SUMF1: variants seen among roughly 807,000 people sequenced by gnomAD.
The protein encoded by SUMF1 is sulfatase modifying factor 1, also known as formylglycine-generating enzyme.
Under a neutral mutation model 47.6 loss-of-function variants are expected in SUMF1, and 48 were observed. The observed-to-expected ratio is 1.01, with a 90% CI of 0.80 to 1.28. The LOEUF (loss-of-function observed/expected upper bound fraction) is 1.28, where lower values mean the gene tolerates loss of function less well. SUMF1 is among the 50% of genes most tolerant of loss of function. SUMF1 has a pLI of 0.00. For synonymous variants in SUMF1, 230 were observed against 192.1 expected, an observed-to-expected ratio of 1.20 and a Z score of -1.63; for missense variants, 571 against 485.4, an observed-to-expected ratio of 1.18 and a Z score of -1.66.
chr3:4,076,842 A>G (rs1692447937), intron 8 of SUMF1, among the ~76,000 whole-genome samples: 1 of 151,966 alleles, frequency 6.6e-6, no homozygotes, highest in South Asian at 2.1e-4. Flanking sequence ...TGCTTAACTT[A>G]GAATACAAAA....
At chr3:4,075,545 A>C (rs1025015486) in intron 8 of SUMF1, among the ~76,000 whole-genome samples, 52 of 152,150 alleles carry the variant, frequency 3.4e-4, no homozygotes, top group African/African-American at 1.2e-3. Flanking sequence ...AGAGGAAGTC[A>C]AATTGTCTCT....
At chr3:4,088,502 T>C (rs1288247400) in intron 8 of SUMF1, among the ~76,000 whole-genome samples, 1 of 152,084 alleles carries the variant, frequency 6.6e-6, no homozygotes, top group African/African-American at 2.4e-5. Context: ...ACCACTAATA[T>C]CACCACGTCT....
intron 8 of SUMF1, among the ~76,000 whole-genome samples, chr3:4,251,592 G>T (rs902077613): frequency 6.6e-6 from 1 of 152,202 alleles, no homozygotes; most frequent in Non-Finnish European, 1.5e-5. Context: ...GTTGTCTTAA[G>T]AAATTACCAC....
rs145033834 is a variant in SUMF1, at chr3:4,239,134, A to G, written c.1014+137196T>C. Among the ~76,000 whole-genome samples, 436 of 152,110 alleles carry G rather than the reference A, an allele frequency of 2.9e-3. 4 individuals carry two copies. The highest frequency in any genetic ancestry group is 0.01 in the African/African-American group (424 of 41,490). ...GCTCTGTTCTGTTCCATTGGTCTAT[A>G]TATCTGTTTTGGTACCCGTACCATG... On this transcript the variant is annotated intron_variant and NMD_transcript_variant, in intron 8 of 12. Transcript: ENST00000448413.
chr3:4,212,718 T>C (rs192415521), intron 8 of SUMF1, among the ~76,000 whole-genome samples: 32 of 152,210 alleles, frequency 2.1e-4, no homozygotes, highest in African/African-American at 7.5e-4. Context: ...AGAACATAAA[T>C]GATCTAATGG....
At position 4,051,605 on chromosome 3, in the gene SUMF1, G is replaced by A. The variant is rs1156806072; in HGVS notation, c.1191+16964C>T. On this transcript the variant is annotated intron_variant and NMD_transcript_variant, in intron 9 of 12. Transcript: ENST00000448413. The stretch of plus-strand genomic sequence containing the variant: ...ATAGACGTACCATGTAAATGCCTAA[G>A]AGAGAGAAGGCTCCCACTTTTTTCC... Among the ~76,000 whole-genome samples the A allele has an allele frequency of 2.6e-5, 4 of 152,172 alleles. 1 individual carries two copies. The highest frequency in any genetic ancestry group is 5.9e-5 in the Non-Finnish European group (4 of 68,030).
intron 8 of SUMF1, among the ~76,000 whole-genome samples, chr3:4,217,302 G>C (rs1695946026): frequency 6.7e-6 from 1 of 150,096 alleles, no homozygotes; most frequent in East Asian, 2.0e-4. Context: ...CTCATAAATG[G>C]GAGTTGAACA....
chr3:4,036,005 G>C (rs888678603), intron 9 of SUMF1, among the ~76,000 whole-genome samples: 1 of 152,086 alleles, frequency 6.6e-6, no homozygotes, highest in Non-Finnish European at 1.5e-5. Flanking sequence ...TTGTCTGCTG[G>C]AGTTTTTTTA....
intron 8 of SUMF1, among the ~76,000 whole-genome samples, chr3:4,247,571 G>A (rs1393153243): frequency 6.6e-6 from 1 of 151,416 alleles, no homozygotes; most frequent in Admixed American, 6.6e-5. Flanking sequence ...AAGCCCAGCT[G>A]GAGATTTGTA....
chr3:4,052,864 T>C (rs1695136458), intron 9 of SUMF1, among the ~76,000 whole-genome samples: 1 of 152,178 alleles, frequency 6.6e-6, no homozygotes. Flanking sequence ...TGGTTTAATG[T>C]TCCATCCAGA....
chr3:4,198,819 C>T (rs1695484281), intron 8 of SUMF1, among the ~76,000 whole-genome samples: 1 of 151,904 alleles, frequency 6.6e-6, no homozygotes, highest in Non-Finnish European at 1.5e-5. Context: ...TACATCTGCT[C>T]TGGGGAATAA....
intron 8 of SUMF1, among the ~76,000 whole-genome samples, chr3:4,270,234 TTAAGCACTGAAG>T (rs766047653): frequency 6.6e-5 from 10 of 152,154 alleles, no homozygotes; most frequent in South Asian, 2.1e-4. Context: ...ATTGAAATAA[TTAAGCACTGAAG>T]TAAGCACTGA....
chr3:4,184,779 G>T (rs1318131918), intron 8 of SUMF1, among the ~76,000 whole-genome samples: 1 of 151,424 alleles, frequency 6.6e-6, no homozygotes, highest in Admixed American at 6.6e-5. Context: ...CTCTTGAGTA[G>T]CTGGGATTAC....
intron 8 of SUMF1, among the ~76,000 whole-genome samples, chr3:4,220,470 A>G (rs4143237): frequency 2.6e-5 from 4 of 152,202 alleles, no homozygotes; most frequent in South Asian, 4.1e-4. Flanking sequence ...TCATTCTGTG[A>G]AACCACAGAA....
chr3:4,252,036 T>A (rs1036795259), intron 8 of SUMF1, among the ~76,000 whole-genome samples: 2 of 152,232 alleles, frequency 1.3e-5, no homozygotes, highest in African/African-American at 2.4e-5. Context: ...AAACCAAACC[T>A]GCAATATCTG....
rs928193041 is a variant in SUMF1, at chr3:4,428,712, C to T, written c.520-8566G>A. 2.1e-4 allele frequency among the ~76,000 whole-genome samples: 5 copies of T among 23,292 alleles called. No homozygotes were observed. The Non-Finnish European group carries it at 6.7e-3, about 31-fold the overall frequency. The allele number at this position is 23,292 out of a possible 152,430, so 15.3% of individuals were successfully genotyped here. Reference sequence around the variant, plus strand: ...CGAACATATTTTTTATTCATATTTTCATTTTAGTTTTAGTTTTTTCTTTTA... The same window carrying T: ...CGAACATATTTTTTATTCATATTTTTATTTTAGTTTTAGTTTTTTCTTTTA... On this transcript the variant is annotated intron_variant, in intron 3 of 8. Transcript: ENST00000272902.
intron 9 of SUMF1, among the ~76,000 whole-genome samples, chr3:4,040,341 C>A (rs1310493897): frequency 6.6e-6 from 1 of 152,114 alleles, no homozygotes; most frequent in Non-Finnish European, 1.5e-5. Flanking sequence ...GCTACTAACT[C>A]ATTAATTTTA....
intron 8 of SUMF1, among the ~76,000 whole-genome samples, chr3:4,326,599 C>T (rs1698951422): frequency 6.8e-6 from 1 of 147,626 alleles, no homozygotes; most frequent in Non-Finnish European, 1.5e-5. Flanking sequence ...CTCACTGCAA[C>T]TGCTACCTCC....
chr3:4,247,508 T>C (rs561184511), intron 8 of SUMF1, among the ~76,000 whole-genome samples: 4 of 152,114 alleles, frequency 2.6e-5, no homozygotes, highest in Non-Finnish European at 4.4e-5. Flanking sequence ...GGAAATCTGA[T>C]TATAACCTAC....
Sources: allele counts gnomAD v4.1 joint callset (sites outside exome capture counted in the v4.1 genomes callset), GRCh38; gene constraint gnomAD v4.1.1; transcripts MANE v1.5; gene names NCBI Gene and HGNC (gene_info 2026-07-23, HGNC 2026-07-21).